The following TMSB15B variants were observed in gnomAD, a reference collection of about 807,000 sequenced individuals.
TMSB15B encodes thymosin beta-15B.
intron 1 of TMSB15B, among the ~76,000 whole-genome samples, chrX:103,945,029 C>T (rs2075021780): frequency 1.8e-5 from 2 of 112,436 alleles, no homozygotes; most frequent in African/African-American, 3.2e-5. Flanking sequence ...CCACCAGCCT[C>T]GGCCTCCCAG....
At chrX:103,936,269 C>T (rs782330803) in intron 1 of TMSB15B, among the ~76,000 whole-genome samples, 1 of 112,129 alleles carries the variant, frequency 8.9e-6, no homozygotes, top group Non-Finnish European at 1.9e-5. Flanking sequence ...GATATTGACT[C>T]TTCCTATCCA....
At chrX:103,942,022 C>T (rs1274735177) in intron 1 of TMSB15B, among the ~76,000 whole-genome samples, 4 of 111,660 alleles carry the variant, frequency 3.6e-5, no homozygotes, top group African/African-American at 1.3e-4. Flanking sequence ...AGTTCTTTCT[C>T]CTTTATATGT....
Position 103,954,251 on chromosome X carries a change from T to C in TMSB15B, c.-720-7770T>C, listed in dbSNP as rs782268266. Among the ~76,000 whole-genome samples the C allele has an allele frequency of 1.4e-4, 16 of 112,373 alleles. No individual in the cohort carries two copies. In the South Asian group the frequency reaches 5.6e-3, roughly 39 times the overall value. ...TTAGCACTATGGGAACTATCAGACC[T>C]GATCACTGCAGGGCAGTCTTGCACA... On this transcript the variant is annotated intron_variant, in intron 1 of 3. Coordinates refer to the TMSB15B transcript ENST00000419165.
At chrX:103,946,658 T>G (rs782312847) in intron 1 of TMSB15B, among the ~76,000 whole-genome samples, 3 of 110,161 alleles carry the variant, frequency 2.7e-5, no homozygotes, top group African/African-American at 9.9e-5. Flanking sequence ...TACATAGGAG[T>G]GAAAAATGGA....
intron 1 of TMSB15B, among the ~76,000 whole-genome samples, chrX:103,947,494 G>A (rs1283885490): frequency 9.0e-6 from 1 of 111,671 alleles, no homozygotes; most frequent in Admixed American, 9.5e-5. Context: ...CCTAAGATAT[G>A]TATGTATGTA....
chrX:103,949,949 G>T (rs1230226115), intron 1 of TMSB15B, among the ~76,000 whole-genome samples: 3 of 111,722 alleles, frequency 2.7e-5, no homozygotes, highest in Non-Finnish European at 3.8e-5. Flanking sequence ...AGATGAGAGA[G>T]TGTGGTGTCC....
Position 103,935,119 on chromosome X carries a change from T to C in TMSB15B, c.-721+15827T>C, listed in dbSNP as rs1281623395. Among the ~76,000 whole-genome samples, 6 of 112,601 alleles carry C rather than the reference T, an allele frequency of 5.3e-5. No individual in the cohort carries two copies. In the East Asian group the frequency reaches 1.7e-3, roughly 31 times the overall value. On this transcript the variant is annotated intron_variant, in intron 1 of 3. Coordinates refer to the TMSB15B transcript ENST00000419165. ...ATGATGAGCTTTTTTGTGTGTGTGT[T>C]TGTTGGCCGCATAAATGTCTTCTTT...
At chrX:103,947,120 A>C (rs1330599304) in intron 1 of TMSB15B, among the ~76,000 whole-genome samples, 1 of 111,033 alleles carries the variant, frequency 9.0e-6, no homozygotes, top group Admixed American at 9.6e-5. Context: ...GAAAAAAAAA[A>C]CCAAGAGCCC....
At chrX:103,926,477 TG>T (rs1270697121) in intron 1 of TMSB15B, among the ~76,000 whole-genome samples, 2 of 21,200 alleles carry the variant, frequency 9.4e-5, no homozygotes, top group African/African-American at 2.1e-4. Context: ...ATGGATGTAG[TG>T]GGGGGGATAG....
At chrX:103,932,688 C>T (rs1556320147) in intron 1 of TMSB15B, 1 of 111,580 alleles carries the variant, frequency 9.0e-6, no homozygotes, top group African/African-American at 3.3e-5. Context: ...GACTTGTCAA[C>T]TTTTTCCACT....
intron 1 of TMSB15B, chrX:103,928,099 G>C: frequency 9.2e-7 from 1 of 1,091,507 alleles, no homozygotes; most frequent in Admixed American, 2.6e-5. Flanking sequence ...TCTTCAGCAT[G>C]GGGGAGCAGA....
intron 1 of TMSB15B, among the ~76,000 whole-genome samples, chrX:103,939,891 G>T (rs2075008147): frequency 8.9e-6 from 1 of 111,803 alleles, no homozygotes; most frequent in Non-Finnish European, 1.9e-5. Flanking sequence ...TCTGTTTGTT[G>T]GTTTTCCTTC....
intron 1 of TMSB15B, among the ~76,000 whole-genome samples, chrX:103,922,186 T>A (rs1252451187): frequency 3.5e-4 from 38 of 109,763 alleles, no homozygotes; most frequent in South Asian, 8.0e-4. Context: ...ATCTCATTTT[T>A]ATTTAATTTA....
intron 1 of TMSB15B, among the ~76,000 whole-genome samples, chrX:103,935,428 C>T (rs782406876): frequency 8.9e-6 from 1 of 111,966 alleles, no homozygotes; most frequent in South Asian, 3.7e-4. Flanking sequence ...TGCCTATGTC[C>T]TGAGTGGTAT....
intron 1 of TMSB15B, among the ~76,000 whole-genome samples, chrX:103,923,582 A>G (rs1381252482): frequency 8.9e-6 from 1 of 111,885 alleles, no homozygotes; most frequent in African/African-American, 3.3e-5. Flanking sequence ...TGGTACCAGT[A>G]CCATGCTGTT....
chrX:103,943,390 C>T (rs1258877523), intron 1 of TMSB15B, among the ~76,000 whole-genome samples: 1 of 111,847 alleles, frequency 8.9e-6, no homozygotes, highest in Non-Finnish European at 1.9e-5. Flanking sequence ...GATGAATTGG[C>T]CCTGCCCTCC....
intron 1 of TMSB15B, among the ~76,000 whole-genome samples, chrX:103,935,518 A>G (rs1470918326): frequency 8.9e-6 from 1 of 111,895 alleles, no homozygotes; most frequent in Admixed American, 9.5e-5. Flanking sequence ...TAATTTTTGT[A>G]TAAGGTGTAA....
intron 1 of TMSB15B, among the ~76,000 whole-genome samples, chrX:103,927,071 C>T (rs782517890): frequency 1.9e-4 from 21 of 111,308 alleles, no homozygotes; most frequent in Admixed American, 1.7e-3. Flanking sequence ...GTCCTGGCTT[C>T]CAAGTTGCTT....
rs192388382 is a variant in TMSB15B at position 103,933,982 on chromosome X, T to C, written c.-721+14690T>C. On this transcript the variant is annotated intron_variant, in intron 1 of 3. Coordinates refer to the TMSB15B transcript ENST00000419165. ...ATATCCGTCAGCTCAAATTTATCAT[T>C]TCTTTGTGTGGGAAACATTCCAAAT... is the stretch of plus-strand genomic sequence containing the variant. Among the ~76,000 whole-genome samples, 8 of 111,686 alleles carry C rather than the reference T, an allele frequency of 7.2e-5. No individual in the cohort carries two copies. The East Asian group carries it at 2.2e-3, about 31-fold the overall frequency.
Sources: gnomAD v4.1 joint callset for allele counts (sites outside exome capture counted in the v4.1 genomes callset) on GRCh38, gnomAD v4.1.1 for gene constraint, MANE v1.5 for transcripts, NCBI Gene and HGNC (gene_info 2026-07-23, HGNC 2026-07-21) for gene names.